Variants in BBX observed in about 807,000 individuals in gnomAD.
BBX encodes the protein HMG box transcription factor BBX.
In BBX, 30 loss-of-function variants were observed where a neutral mutation model predicts 100.2. That is an observed-to-expected ratio of 0.30 (90% CI 0.22 to 0.41). BBX has a LOEUF of 0.41. BBX is among the 10% of genes least tolerant of loss of function. The probability of loss-of-function intolerance (pLI) is 1.00; values close to 1 mark genes in which losing one functional copy is unlikely to be tolerated. For missense variants in BBX, 1,023 were observed against 1,129.8 expected (o/e 0.91, Z 1.35); for synonymous variants, 376 against 388.1 (o/e 0.97, Z 0.37).
chr3:107,709,631 A>G (rs2061597415), intron 3 of BBX, among the ~76,000 whole-genome samples: 1 of 152,230 alleles, frequency 6.6e-6, no homozygotes, highest in Admixed American at 6.5e-5. Context: ...GAGAAGTAAC[A>G]TCAGAAAAAA....
chr3:107,626,065 T>C (rs569177083), intron 2 of BBX, among the ~76,000 whole-genome samples: 1 of 152,286 alleles, frequency 6.6e-6, no homozygotes, highest in South Asian at 2.1e-4. Flanking sequence ...AGCTGAGACA[T>C]GATCATTGGT....
chr3:107,652,941 A>G (rs931566357), intron 3 of BBX, among the ~76,000 whole-genome samples: 1 of 152,180 alleles, frequency 6.6e-6, no homozygotes, highest in African/African-American at 2.4e-5. Context: ...TAGAAAGTCT[A>G]TTTTGTGCAT....
At chr3:107,582,271 G>A (rs1452663931) in intron 2 of BBX, among the ~76,000 whole-genome samples, 2 of 151,210 alleles carry the variant, frequency 1.3e-5, no homozygotes, top group Admixed American at 6.6e-5. Context: ...TTTTTAGCAC[G>A]CATATGGCAT....
intron 2 of BBX, among the ~76,000 whole-genome samples, chr3:107,593,354 A>G (rs529466142): frequency 6.6e-6 from 1 of 152,308 alleles, no homozygotes; most frequent in Admixed American, 6.5e-5. Flanking sequence ...TATTTTCCCA[A>G]CCAAGTGCCA....
chr3:107,728,085 A>G (rs1248148201), intron 5 of BBX, among the ~76,000 whole-genome samples: 1 of 152,170 alleles, frequency 6.6e-6, no homozygotes, highest in Non-Finnish European at 1.5e-5. Context: ...TGAAACCTCC[A>G]AGTAAGACAA....
At chr3:107,564,596 G>T (rs917945871) in intron 2 of BBX, among the ~76,000 whole-genome samples, 1 of 152,270 alleles carries the variant, frequency 6.6e-6, no homozygotes, top group East Asian at 1.9e-4. Context: ...CACACAGGGG[G>T]TGGACAGTTG....
chr3:107,695,667 A>G (rs1023609581), intron 3 of BBX, among the ~76,000 whole-genome samples: 3 of 151,616 alleles, frequency 2.0e-5, no homozygotes, highest in African/African-American at 7.3e-5. Flanking sequence ...AAAAATGTGT[A>G]TTCTGTTGAT....
At chr3:107,538,384 A>T (rs1315938532) in intron 2 of BBX, among the ~76,000 whole-genome samples, 1 of 152,150 alleles carries the variant, frequency 6.6e-6, no homozygotes, top group African/African-American at 2.4e-5. Context: ...TGTGATCATG[A>T]ATCAGTTGTT....
intron 15 of BBX, among the ~76,000 whole-genome samples, chr3:107,797,504 T>C (rs1310271482): frequency 2.6e-5 from 4 of 151,548 alleles, no homozygotes; most frequent in African/African-American, 7.3e-5. Context: ...TCCTAAGAAA[T>C]TGGATAGTTA....
intron 3 of BBX, among the ~76,000 whole-genome samples, chr3:107,698,651 C>CAAA (rs56964193): frequency 7.6e-6 from 1 of 130,736 alleles, no homozygotes. Flanking sequence ...GACTCCATCT[C>CAAA]AAAAAAAAAA....
At chr3:107,689,422 T>C (rs183595338) in intron 3 of BBX, among the ~76,000 whole-genome samples, 273 of 152,340 alleles carry the variant, frequency 1.8e-3, no homozygotes, top group African/African-American at 6.1e-3. Flanking sequence ...TGTTAAGATA[T>C]GTTTGTTCCA....
chr3:107,598,017 A>G lies in BBX; in HGVS notation c.-83-47819A>G, dbSNP rs529539374. 3.3e-5 allele frequency among the ~76,000 whole-genome samples: 5 copies of G among 152,272 alleles called. 1 individual carries two copies. The highest frequency in any genetic ancestry group is 9.6e-5 in the African/African-American group (4 of 41,558). ...CCCCTGGAGCACTCTCAGACAGGTC[A>G]GTTTTAGGAGAGGGTACTTGGAAAA... On this transcript the variant is annotated intron_variant, in intron 2 of 17. Transcript: ENST00000325805.
At chr3:107,528,904 C>T (rs746825066) in intron 2 of BBX, among the ~76,000 whole-genome samples, 1 of 152,098 alleles carries the variant, frequency 6.6e-6, no homozygotes, top group Non-Finnish European at 1.5e-5. Context: ...TCTTACATTT[C>T]ATAAAGAACA....
chr3:107,665,273 C>A (rs762196097), intron 3 of BBX, among the ~76,000 whole-genome samples: 2 of 152,202 alleles, frequency 1.3e-5, no homozygotes, highest in Non-Finnish European at 2.9e-5. Flanking sequence ...AGGCCGAAAT[C>A]ATGAATACCT....
At chr3:107,680,563 TGA>T (rs768856556) in intron 3 of BBX, among the ~76,000 whole-genome samples, 17 of 152,180 alleles carry the variant, frequency 1.1e-4, no homozygotes, top group Non-Finnish European at 2.1e-4. Flanking sequence ...AGAAAGAGGC[TGA>T]GTTTTCTGTC....
rs1405835330 is a variant in BBX, at chr3:107,572,519, C to T, written c.-84+46121C>T. On this transcript the variant is annotated intron_variant, in intron 2 of 17. Transcript: ENST00000325805. ...TGCTTTATAATTACAGGTAAACTCT[C>T]AGTGTGTTTCCTTTCTTCGTAACAT... Among the ~76,000 whole-genome samples, 5 of 152,242 alleles carry T rather than the reference C, an allele frequency of 3.3e-5. No individual in the cohort carries two copies. In the East Asian group the frequency reaches 9.6e-4, roughly 29 times the overall value.
intron 2 of BBX, among the ~76,000 whole-genome samples, chr3:107,560,042 C>G (rs747104): frequency 0.048 from 7,325 of 152,134 alleles, 565 homozygotes; most frequent in African/African-American, 0.16. Flanking sequence ...CCACACTGGG[C>G]CAGGATTAGA....
intron 2 of BBX, among the ~76,000 whole-genome samples, chr3:107,594,505 T>A (rs1456567467): frequency 1.3e-5 from 2 of 152,166 alleles, no homozygotes; most frequent in Non-Finnish European, 2.9e-5. Flanking sequence ...ATAAATGCAG[T>A]GCTATAATTA....
chr3:107,687,852 C>T (rs1479506933), intron 3 of BBX, among the ~76,000 whole-genome samples: 7 of 152,026 alleles, frequency 4.6e-5, no homozygotes, highest in African/African-American at 1.7e-4. Flanking sequence ...GTCAGGAGTT[C>T]GAGACCAGCT....
Sources: gnomAD v4.1 joint callset for allele counts (sites outside exome capture counted in the v4.1 genomes callset) on GRCh38, gnomAD v4.1.1 for gene constraint, MANE v1.5 for transcripts, NCBI Gene and HGNC (gene_info 2026-07-23, HGNC 2026-07-21) for gene names.